Variants in DGKB observed in about 807,000 individuals in gnomAD.
DGKB encodes the protein 90 kDa diacylglycerol kinase.
DGKB carries 67 observed loss-of-function variants against 114.3 expected under a neutral mutation model. The observed-to-expected ratio is 0.59, with a 90% CI of 0.48 to 0.72. DGKB has a LOEUF of 0.72. Among genes scored for constraint, DGKB ranks in the 30% least tolerant of loss-of-function variants. The pLI is 0.00. For synonymous variants in DGKB, 398 were observed against 323.1 expected (o/e 1.23, Z -2.49); for missense variants, 907 against 975.2 (o/e 0.93, Z 0.93).
At chr7:14,607,178 G>GTGTGTA (rs1490932362) in intron 17 of DGKB, among the ~76,000 whole-genome samples, 2 of 151,694 alleles carry the variant, frequency 1.3e-5, no homozygotes, top group Non-Finnish European at 2.9e-5. Flanking sequence ...GTGTGTGTGT[G>GTGTGTA]TGTGAGATTA....
At chr7:14,722,941 C>T (rs147087455) in intron 5 of DGKB, among the ~76,000 whole-genome samples, 1,716 of 152,088 alleles carry the variant, frequency 0.011, 30 homozygotes, top group African/African-American at 0.039. Context: ...TTTCTGAAAG[C>T]AGACCCTGGT....
chr7:14,437,695 A>C (rs1829486151), intron 21 of DGKB, among the ~76,000 whole-genome samples: 1 of 151,526 alleles, frequency 6.6e-6, no homozygotes, highest in African/African-American at 2.4e-5. Context: ...TCTCTGGTGA[A>C]TTAAAAATAT....
intron 20 of DGKB, among the ~76,000 whole-genome samples, chr7:14,558,935 C>G (rs193104020): frequency 6.6e-6 from 1 of 152,284 alleles, no homozygotes; most frequent in African/African-American, 2.4e-5. Flanking sequence ...CCCAGCTGCC[C>G]CTGGTCTCCA....
At chr7:14,745,593 C>A (rs779199519) in intron 4 of DGKB, among the ~76,000 whole-genome samples, 65 of 152,274 alleles carry the variant, frequency 4.3e-4, no homozygotes, top group Admixed American at 2.5e-3. Context: ...TGTAGTGGCT[C>A]AGACTAAGGG....
intron 23 of DGKB, among the ~76,000 whole-genome samples, chr7:14,208,133 C>T (rs1248577786): frequency 1.3e-5 from 2 of 151,988 alleles, no homozygotes; most frequent in African/African-American, 4.8e-5. Context: ...GTATAAGCAC[C>T]TGTCTCTCCA....
intron 23 of DGKB, among the ~76,000 whole-genome samples, chr7:14,325,258 G>A (rs982691148): frequency 4.6e-5 from 7 of 152,148 alleles, no homozygotes; most frequent in African/African-American, 1.7e-4. Flanking sequence ...CTGAGGTGAT[G>A]TGGTCTCTGT....
chr7:14,288,909 A>G (rs948634185), intron 23 of DGKB, among the ~76,000 whole-genome samples: 2 of 152,222 alleles, frequency 1.3e-5, no homozygotes, highest in Non-Finnish European at 2.9e-5. Flanking sequence ...CTTGAGTGGA[A>G]GGCTTGTGAT....
chr7:14,569,774 C>A (rs917023426), intron 20 of DGKB, among the ~76,000 whole-genome samples: 1 of 151,634 alleles, frequency 6.6e-6, no homozygotes, highest in African/African-American at 2.4e-5. Context: ...TCCAATCTTG[C>A]ATAGTTATAT....
At chr7:14,645,640 CT>C (rs1467889573) in intron 13 of DGKB, among the ~76,000 whole-genome samples, 1 of 151,794 alleles carries the variant, frequency 6.6e-6, no homozygotes, top group Non-Finnish European at 1.5e-5. Flanking sequence ...TAACAACACA[CT>C]TCTCAGAAGA....
chr7:14,391,543 T>C (rs1441226349), intron 21 of DGKB, among the ~76,000 whole-genome samples: 4 of 151,100 alleles, frequency 2.6e-5, no homozygotes, highest in Non-Finnish European at 4.4e-5. Flanking sequence ...AAGGAAAAAT[T>C]AGCCCGGTGT....
At chr7:14,819,442 T>C (rs1220927707) in intron 2 of DGKB, among the ~76,000 whole-genome samples, 2 of 151,912 alleles carry the variant, frequency 1.3e-5, no homozygotes, top group South Asian at 2.1e-4. Context: ...AAAAAAACAT[T>C]GGCCAGTCAT....
At chr7:14,195,336 C>G (rs1229953585) in intron 23 of DGKB, among the ~76,000 whole-genome samples, 1 of 152,124 alleles carries the variant, frequency 6.6e-6, no homozygotes, top group Non-Finnish European at 1.5e-5. Context: ...TGAATGAAGG[C>G]TGATGTCAGC....
intron 23 of DGKB, among the ~76,000 whole-genome samples, chr7:14,267,106 A>T (rs1281166271): frequency 6.6e-6 from 1 of 152,182 alleles, no homozygotes; most frequent in Non-Finnish European, 1.5e-5. Context: ...AAATGCCACA[A>T]GTTTTTTGAT....
intron 13 of DGKB, among the ~76,000 whole-genome samples, chr7:14,638,070 A>C (rs1811077108): frequency 1.3e-5 from 2 of 152,234 alleles, no homozygotes; most frequent in South Asian, 4.1e-4. Context: ...TTTTAAATAC[A>C]ATTTAATATC....
At chr7:14,837,715 C>T (rs968118642) in intron 2 of DGKB, among the ~76,000 whole-genome samples, 6 of 152,090 alleles carry the variant, frequency 3.9e-5, no homozygotes, top group East Asian at 3.9e-4. Flanking sequence ...TTAAAGCCCC[C>T]GATAAACTGA....
Position 14,411,918 on chromosome 7 carries a change from C to T in DGKB, c.1835+66243G>A, listed in dbSNP as rs547662870. Among the ~76,000 whole-genome samples the T allele has an allele frequency of 2.6e-5, 4 of 152,110 alleles. No individual in the cohort carries two copies. The South Asian group carries it at 8.3e-4, about 32-fold the overall frequency. On this transcript the variant is annotated intron_variant, in intron 21 of 25. Transcript: ENST00000402815. ...GTAGAATAATATGTGACCATTTAAACCATGTTATAGAAAAATTAATGAGAT... is the reference window on the plus strand; with the variant it reads ...GTAGAATAATATGTGACCATTTAAATCATGTTATAGAAAAATTAATGAGAT...
intron 20 of DGKB, among the ~76,000 whole-genome samples, chr7:14,486,388 T>C (rs111516419): frequency 3.9e-5 from 6 of 152,218 alleles, no homozygotes; most frequent in African/African-American, 1.2e-4. Context: ...TGCAGAATAC[T>C]GGGGTAGGTA....
intron 2 of DGKB, among the ~76,000 whole-genome samples, chr7:14,788,465 G>A (rs768982365): frequency 6.6e-6 from 1 of 152,156 alleles, no homozygotes; most frequent in Non-Finnish European, 1.5e-5. Flanking sequence ...ATAGTTGTCT[G>A]TGAGCATTCC....
chr7:14,175,692 A>G (rs940114172), intron 25 of DGKB, among the ~76,000 whole-genome samples: 2 of 152,216 alleles, frequency 1.3e-5, no homozygotes, highest in Non-Finnish European at 2.9e-5. Flanking sequence ...ATCAAAATTT[A>G]GCTCTTTACC....
Sources: gnomAD v4.1 joint callset for allele counts (sites outside exome capture counted in the v4.1 genomes callset) on GRCh38, gnomAD v4.1.1 for gene constraint, MANE v1.5 for transcripts, NCBI Gene and HGNC (gene_info 2026-07-23, HGNC 2026-07-21) for gene names.